Variants in BRAF observed in about 807,000 individuals in gnomAD.
BRAF encodes the protein B-Raf proto-oncogene, serine/threonine kinase.
BRAF carries 16 observed loss-of-function variants against 104.6 expected under a neutral mutation model. That is an observed-to-expected ratio of 0.15 (90% confidence interval 0.10 to 0.23). The LOEUF (loss-of-function observed/expected upper bound fraction) is 0.23. Among genes scored for constraint, BRAF ranks in the 10% least tolerant of loss-of-function variants. The pLI is 1.00. For missense variants in BRAF, 541 were observed against 937.3 expected, an observed-to-expected ratio of 0.58 and a Z score of 5.52; for synonymous variants, 310 against 341.6, an observed-to-expected ratio of 0.91 and a Z score of 1.02.
At chr7:140,912,192 T>A (rs1003525150) in intron 1 of BRAF, among the ~76,000 whole-genome samples, 2 of 152,240 alleles carry the variant, frequency 1.3e-5, no homozygotes, top group Non-Finnish European at 2.9e-5. Context: ...TTACTATTTG[T>A]CTCCAGTTCA....
chr7:140,815,689 G>A (rs760505354), intron 3 of BRAF, among the ~76,000 whole-genome samples: 2 of 151,988 alleles, frequency 1.3e-5, no homozygotes, highest in Non-Finnish European at 2.9e-5. Context: ...GCCTGCCTCA[G>A]CCTCCCAAAG....
chr7:140,915,555 C>T (rs1402727525), intron 1 of BRAF, among the ~76,000 whole-genome samples: 2 of 149,094 alleles, frequency 1.3e-5, no homozygotes, highest in African/African-American at 2.4e-5. Context: ...CTGCCTCAGC[C>T]TCCCAAGTAG....
At chr7:140,806,738 T>C (rs146148440) in intron 5 of BRAF, among the ~76,000 whole-genome samples, 1 of 152,170 alleles carries the variant, frequency 6.6e-6, no homozygotes, top group Non-Finnish European at 1.5e-5. Flanking sequence ...TGTTAAAAAA[T>C]TATTTGCTGC....
In BRAF at chr7:140,812,614, C is replaced by G. The variant is rs544291111; in HGVS notation, c.505-3619G>C. Among the ~76,000 whole-genome samples the G allele has an allele frequency of 1.1e-4, 16 of 152,322 alleles. No homozygotes were observed. In the South Asian group the frequency reaches 1.4e-3, roughly 14 times the overall value. On this transcript the variant is annotated intron_variant, in intron 3 of 19. Coordinates refer to ENST00000644969, the MANE Select transcript of BRAF (RefSeq NM_001374258.1). ...TCTATTACCAAGGCAAGCCATCTAT[C>G]AGTCCTTCTTAATTCCACTTTTGTA...
At chr7:140,897,716 G>C (rs6965532) in intron 1 of BRAF, among the ~76,000 whole-genome samples, 45,627 of 151,384 alleles carry the variant, frequency 0.3, 10,934 homozygotes, top group African/African-American at 0.67. Context: ...ATGCCAGGAT[G>C]GTCTCAATCT....
At chr7:140,855,913 G>A (rs1452329959) in intron 1 of BRAF, among the ~76,000 whole-genome samples, 1 of 151,622 alleles carries the variant, frequency 6.6e-6, no homozygotes, top group Non-Finnish European at 1.5e-5. Context: ...AGCTACTTGG[G>A]AGGCTGAGGC....
chr7:140,903,434 C>G (rs1815903392), intron 1 of BRAF, among the ~76,000 whole-genome samples: 1 of 152,172 alleles, frequency 6.6e-6, no homozygotes, highest in South Asian at 2.1e-4. Flanking sequence ...TGTTGAGACC[C>G]ACCGCTCAGA....
chr7:140,747,328 C>T (rs1473378316), intron 17 of BRAF: 2 of 1,123,862 alleles, frequency 1.8e-6, no homozygotes, highest in East Asian at 1.4e-4. Context: ...AAGGTTCTAA[C>T]TATACTATTA....
Position 140,808,892 on chromosome 7 carries a change from C to T in BRAF, c.608G>A (p.Gly203Glu), listed in dbSNP as rs777491533. 1.9e-6 allele frequency: 3 copies of T among 1,608,440 alleles called. No individual in the cohort carries two copies. Among genetic ancestry groups the T allele is most frequent in the South Asian group, 1.1e-5 (1 of 90,928 alleles). The stretch of plus-strand genomic sequence containing the variant: ...ATTTCACGTCACATACAAACCATAC[C>T]CATCCTGAATTCTGTAAACAGCACA... ...ECCAVYRIQDGEKKPIGWDTD... is the reference protein window; with the variant it reads ...ECCAVYRIQDEEKKPIGWDTD... The change falls in exon 4 of 20, where the codon GGA becomes GAA. Residue 203 changes from glycine (G) to glutamate (E), a missense_variant and splice_region_variant. Transcript: ENST00000644969.
At chr7:140,841,807 T>C (rs1283316553) in intron 2 of BRAF, among the ~76,000 whole-genome samples, 1 of 152,132 alleles carries the variant, frequency 6.6e-6, no homozygotes, top group Non-Finnish European at 1.5e-5. Context: ...GTGGTGAATA[T>C]AGTAAAAACC....
At chr7:140,868,145 G>A (rs1442354472) in intron 1 of BRAF, among the ~76,000 whole-genome samples, 1 of 152,178 alleles carries the variant, frequency 6.6e-6, no homozygotes, top group African/African-American at 2.4e-5. Flanking sequence ...GTGCAGTGCA[G>A]AATATAGTGT....
At chr7:140,718,663 C>T (rs1464657273), downstream of BRAF, among the ~76,000 whole-genome samples, 1 of 152,202 alleles carries the variant, frequency 6.6e-6, no homozygotes, top group Admixed American at 6.5e-5. Flanking sequence ...GGATTACAGG[C>T]GTGAGCCACT....
At position 140,924,523 on chromosome 7, in the gene BRAF, G is replaced by C; in HGVS notation, c.138+43C>G. On this transcript the variant is annotated intron_variant, in intron 1 of 19. Coordinates refer to ENST00000644969, the MANE Select transcript of BRAF (RefSeq NM_001374258.1). This position sits in a 1 kb window ranked among gnomAD's most constrained non-coding sequence, Gnocchi z 4.2. ...CCAAAATAAACACCAGCCAGCCGCC[G>C]AGCCCGGAGTCGGGAGGGCGGCAGG... 1 of 1,533,100 alleles carries C rather than the reference G, an allele frequency of 6.5e-7. No individual in the cohort carries two copies. Among genetic ancestry groups the C allele is most frequent in the Non-Finnish European group, 8.7e-7 (1 of 1,145,638 alleles). The allele number at this position is 1,533,100 out of a possible 1,614,324, so 95.0% of individuals were successfully genotyped here. A position where few individuals can be genotyped will look rare whatever the true frequency, so the allele number is the denominator to read the frequency against.
chr7:140,747,365 C>T, intron 17 of BRAF: 2 of 1,269,098 alleles, frequency 1.6e-6, no homozygotes, highest in African/African-American at 1.5e-5. Context: ...AAAGGCCTTA[C>T]CCTTCTGTTG....
rs537561677 is a variant in BRAF, at chr7:140,871,158, C to T, written c.139-20946G>A. 3.6e-5 allele frequency among the ~76,000 whole-genome samples: 5 copies of T among 138,758 alleles called. No individual in the cohort carries two copies. The East Asian group carries it at 1.1e-3, about 29-fold the overall frequency. The allele number at this position is 138,758 out of a possible 152,430, so 91.0% of individuals were successfully genotyped here. ...TCGGGAGGGTGACGCGGGAGAATGG[C>T]GTGAATCCGGGAGGCGGAGCTTGCA... On this transcript the variant is annotated intron_variant, in intron 1 of 19. Transcript: ENST00000644969.
At chr7:140,787,475 G>C in intron 9 of BRAF, 73 bp downstream of exon 9, 1 of 1,459,116 alleles carries the variant, frequency 6.9e-7, no homozygotes. Flanking sequence ...AAAGAGGCAA[G>C]TATAAAGGAA....
At chr7:140,879,029 C>A (rs1172631341) in intron 1 of BRAF, among the ~76,000 whole-genome samples, 1 of 152,046 alleles carries the variant, frequency 6.6e-6, no homozygotes, top group Non-Finnish European at 1.5e-5. Flanking sequence ...CATGCACCAC[C>A]ATGCCCAGCT....
chr7:140,832,217 A>G (rs1272154699), intron 3 of BRAF, among the ~76,000 whole-genome samples: 1 of 152,220 alleles, frequency 6.6e-6, no homozygotes, highest in African/African-American at 2.4e-5. Context: ...TCCACTTTAA[A>G]AAACATAATC....
At chr7:140,762,362 C>G (rs1226170181) in intron 14 of BRAF, among the ~76,000 whole-genome samples, 32 of 152,106 alleles carry the variant, frequency 2.1e-4, no homozygotes, top group Non-Finnish European at 4.6e-4. Flanking sequence ...ACACAACATA[C>G]CAGAATCTCT....
Sources: allele counts gnomAD v4.1 joint callset (sites outside exome capture counted in the v4.1 genomes callset), GRCh38; gene constraint gnomAD v4.1.1; non-coding constraint Gnocchi (gnomAD v3.1); transcripts MANE v1.5; gene names NCBI Gene and HGNC (gene_info 2026-07-23, HGNC 2026-07-21).